FLNB: variants seen among roughly 807,000 people sequenced by gnomAD.
The protein encoded by FLNB is filamin-B.
Under a neutral mutation model 250.6 loss-of-function variants are expected in FLNB, and 111 were observed. That is an observed-to-expected ratio of 0.44 (90% CI 0.38 to 0.52). The LOEUF (loss-of-function observed/expected upper bound fraction) is 0.52. FLNB is among the 20% of genes least tolerant of loss of function. The pLI is 0.00. For synonymous variants in FLNB, 1,302 were observed against 1,372.1 expected (o/e 0.95, Z 1.13); for missense variants, 2,869 against 3,447.8 (o/e 0.83, Z 4.20).
chr3:58,120,655 G>A (rs2097287235), intron 19 of FLNB, among the ~76,000 whole-genome samples: 1 of 152,178 alleles, frequency 6.6e-6, no homozygotes, highest in Non-Finnish European at 1.5e-5. Context: ...TTCTTGAGGG[G>A]GAGGGGTGCC....
At chr3:58,155,819 A>G in intron 40 of FLNB, 141 bp from the exon 41 acceptor site, 2 of 675,474 alleles carry the variant, frequency 3.0e-6, no homozygotes. Context: ...AGCCTCAGCC[A>G]GGCGACTCCC....
intron 4 of FLNB, among the ~76,000 whole-genome samples, 154 bp downstream of exon 4, chr3:58,081,930 G>GT (rs1437386302): frequency 6.6e-6 from 1 of 152,180 alleles, no homozygotes; most frequent in Non-Finnish European, 1.5e-5. Flanking sequence ...TTTTATGACT[G>GT]TTTTATTCTG....
intron 25 of FLNB, among the ~76,000 whole-genome samples, chr3:58,131,522 T>A (rs2097307372): frequency 6.6e-6 from 1 of 152,190 alleles, no homozygotes. Context: ...AGTGACCATG[T>A]TTCCTCCTCC....
chr3:58,169,608 C>T lies in FLNB; in HGVS notation c.7436C>T (p.Pro2479Leu), dbSNP rs1290613172. Residue 2479 changes from proline to leucine, a missense_variant, in exon 45 of 46, where the codon CCT (proline) becomes CTT (leucine). Pro to Leu is a moderately conservative substitution (Grantham distance 98). Coordinates refer to ENST00000295956, the MANE Select transcript of FLNB (RefSeq NM_001457.4). This position sits in a 1 kb window ranked among gnomAD's most constrained non-coding sequence, Gnocchi z 4.8. ...AKVTGQRLVS[P>L]GSANETSSIL... Reference sequence around the variant, plus strand: ...ATCTTAGGCCAGCGTCTAGTTAGCCCTGGCTCAGCCAACGAGACCTCATCC... The same window carrying T: ...ATCTTAGGCCAGCGTCTAGTTAGCCTTGGCTCAGCCAACGAGACCTCATCC... The T allele has an allele frequency of 1.9e-6, 3 of 1,614,152 alleles. No individual in the cohort carries two copies. The highest frequency in any genetic ancestry group is 2.5e-6 in the Non-Finnish European group (3 of 1,179,986).
chr3:58,131,418 G>T (rs907460276), intron 25 of FLNB, among the ~76,000 whole-genome samples: 1 of 152,198 alleles, frequency 6.6e-6, no homozygotes, highest in Non-Finnish European at 1.5e-5. Context: ...AATTTGGCCT[G>T]CCTTGTTGGC....
intron 1 of FLNB, among the ~76,000 whole-genome samples, chr3:58,060,171 A>C (rs1227429602): frequency 6.6e-6 from 1 of 152,058 alleles, no homozygotes; most frequent in Non-Finnish European, 1.5e-5. Context: ...ACGGGGGCGC[A>C]AGGGAGTTAG....
At position 58,077,302 on chromosome 3, in the gene FLNB, GCCAGGGCTGCCTAAA is replaced by G. The variant is rs1468639818; in HGVS notation, c.541+12_541+26del. 6.2e-7 allele frequency: 1 copy of G among 1,613,440 alleles called. No individual in the cohort carries two copies. Among genetic ancestry groups the G allele is most frequent in the African/African-American group, 1.3e-5 (1 of 74,934 alleles). On this transcript the variant is annotated intron_variant, in intron 2 of 45. Coordinates refer to ENST00000295956, the MANE Select transcript of FLNB (RefSeq NM_001457.4). ...TAGACAGCTGTGCTCCAGGTAAGTG[GCCAGGGCTGCCTAAA>G]CCATCTGTCCAGGATGGGGGTGTGT... is the stretch of plus-strand genomic sequence containing the variant.
intron 41 of FLNB, among the ~76,000 whole-genome samples, chr3:58,159,282 T>C (rs1468525459): frequency 6.6e-6 from 1 of 152,198 alleles, no homozygotes; most frequent in African/African-American, 2.4e-5. Flanking sequence ...GAGATGATAG[T>C]CCTTTTGACC....
At chr3:58,105,273 G>T (rs961137418) in intron 11 of FLNB, 57 bp downstream of exon 11, 2 of 1,609,116 alleles carry the variant, frequency 1.2e-6, no homozygotes, top group East Asian at 2.2e-5. Flanking sequence ...CAGGGCTTCC[G>T]GGCTGTGTCA....
At chr3:58,132,735 A>T in intron 25 of FLNB, 73 bp from the exon 26 acceptor site, 1 of 1,602,050 alleles carries the variant, frequency 6.2e-7, no homozygotes, top group South Asian at 1.1e-5. Context: ...ATGTGGTCCT[A>T]TTTCAGACTC....
intron 5 of FLNB, among the ~76,000 whole-genome samples, chr3:58,095,782 G>A (rs1334562075): frequency 2.6e-5 from 4 of 152,336 alleles, no homozygotes; most frequent in Middle Eastern, 6.8e-3. Flanking sequence ...GATTGTATCT[G>A]ACTTGCTCAT....
At chr3:58,103,772 G>A (rs2097254806) in intron 9 of FLNB, among the ~76,000 whole-genome samples, 187 bp from the exon 10 acceptor site, 1 of 152,200 alleles carries the variant, frequency 6.6e-6, no homozygotes. Context: ...AGAGATGGCT[G>A]TGTTTTTAGC....
At chr3:58,068,685 G>A (rs1034916793) in intron 1 of FLNB, among the ~76,000 whole-genome samples, 5 of 152,198 alleles carry the variant, frequency 3.3e-5, no homozygotes, top group Admixed American at 2.0e-4. Context: ...CTGTCAGTGG[G>A]CACCAGGTCC....
Position 58,150,018 on chromosome 3 carries a change from TC to T in FLNB, c.6244+20del, listed in dbSNP as rs2097342173. 3 of 1,614,264 alleles carry T rather than the reference TC, an allele frequency of 1.9e-6. No homozygotes were observed. The highest frequency in any genetic ancestry group is 1.3e-5 in the African/African-American group (1 of 75,072). ...CACGTGCCTGGTATGTGCATTCCAT[TC>T]CCCTCCAGGTGGGATGCTTGGGTTT... On this transcript the variant is annotated intron_variant, in intron 37 of 45. Transcript: ENST00000295956.
intron 1 of FLNB, among the ~76,000 whole-genome samples, chr3:58,057,214 A>C (rs2097171926): frequency 6.6e-6 from 1 of 152,060 alleles, no homozygotes; most frequent in Middle Eastern, 3.2e-3. Flanking sequence ...GAGCTCAAGC[A>C]ATCCACCCAC....
chr3:58,135,289 C>T (rs2097314093), intron 27 of FLNB, among the ~76,000 whole-genome samples: 1 of 152,172 alleles, frequency 6.6e-6, no homozygotes, highest in Non-Finnish European at 1.5e-5. Context: ...TAAGGAACCC[C>T]AGGCTAAGCC....
chr3:58,061,094 G>A (rs148338364), intron 1 of FLNB, among the ~76,000 whole-genome samples: 191 of 152,248 alleles, frequency 1.3e-3, no homozygotes, highest in African/African-American at 4.2e-3. Context: ...TTGCACTAGC[G>A]ATTTAAACAA....
At chr3:58,117,790 G>GTTTTTTT (rs112592090) in intron 18 of FLNB, among the ~76,000 whole-genome samples, 2 of 141,854 alleles carry the variant, frequency 1.4e-5, no homozygotes. Context: ...GATGCAACCA[G>GTTTTTTT]TTTTTTTTTT....
intron 5 of FLNB, 45 bp downstream of exon 5, chr3:58,094,999 C>T: frequency 7.0e-7 from 1 of 1,436,816 alleles, no homozygotes; most frequent in Non-Finnish European, 9.8e-7. Flanking sequence ...CCTCATGGAG[C>T]TTTTGGGGCT....
Sources: allele counts gnomAD v4.1 joint callset (sites outside exome capture counted in the v4.1 genomes callset), GRCh38; gene constraint gnomAD v4.1.1; non-coding constraint Gnocchi (gnomAD v3.1); transcripts MANE v1.5; gene names NCBI Gene and HGNC (gene_info 2026-07-23, HGNC 2026-07-21).